SGCD: variants seen among roughly 807,000 people sequenced by gnomAD.
SGCD encodes the protein sarcoglycan delta.
In SGCD, 18 loss-of-function variants were observed where a neutral mutation model predicts 36.6. The observed-to-expected ratio is 0.49, with a 90% CI of 0.34 to 0.73. The LOEUF (loss-of-function observed/expected upper bound fraction) is 0.73. Among genes scored for constraint, SGCD ranks in the 30% least tolerant of loss-of-function variants. The pLI, the probability that SGCD is intolerant of heterozygous loss-of-function variation, is 0.01. For missense variants in SGCD, 387 were observed against 346.7 expected (o/e 1.12, Z -0.92); for synonymous variants, 133 against 130.6 (o/e 1.02, Z -0.12).
intron 6 of SGCD, among the ~76,000 whole-genome samples, chr5:156,633,245 C>A (rs1199499363): frequency 1.3e-5 from 2 of 152,184 alleles, no homozygotes; most frequent in Non-Finnish European, 2.9e-5. Context: ...ACGATGTGCA[C>A]TGTGTTTAGT....
At chr5:156,360,557 A>G (rs1309865917) in intron 3 of SGCD, among the ~76,000 whole-genome samples, 1 of 151,936 alleles carries the variant, frequency 6.6e-6, no homozygotes, top group Admixed American at 6.6e-5. Context: ...TGTAGTGTCC[A>G]CCTTTGAGTG....
chr5:156,566,172 C>T (rs548487417), intron 4 of SGCD, among the ~76,000 whole-genome samples: 7 of 152,104 alleles, frequency 4.6e-5, no homozygotes, highest in African/African-American at 1.4e-4. Context: ...GTTAAAATGG[C>T]GATCATTAAA....
At chr5:156,164,016 C>T (rs1763153238) in intron 3 of SGCD, among the ~76,000 whole-genome samples, 2 of 135,578 alleles carry the variant, frequency 1.5e-5, no homozygotes, top group African/African-American at 2.9e-5. Context: ...GAGCGAGACT[C>T]TGTCTCAAAA....
intron 1 of SGCD, among the ~76,000 whole-genome samples, chr5:156,078,601 A>T (rs542851207): frequency 1.4e-5 from 2 of 145,658 alleles, no homozygotes; most frequent in South Asian, 4.2e-4. Context: ...ATATTTATAT[A>T]TTTTTATATA....
intron 4 of SGCD, among the ~76,000 whole-genome samples, chr5:156,550,056 A>T (rs955912306): frequency 6.6e-6 from 1 of 152,222 alleles, no homozygotes; most frequent in African/African-American, 2.4e-5. Context: ...GGAAAAACTG[A>T]TGTGCAGAAA....
intron 1 of SGCD, among the ~76,000 whole-genome samples, chr5:156,072,128 A>T (rs1207775182): frequency 6.6e-6 from 1 of 151,880 alleles, no homozygotes; most frequent in Non-Finnish European, 1.5e-5. Flanking sequence ...TAGTCCATTT[A>T]CATTTAAAGT....
chr5:156,274,427 A>C (rs1247360322), intron 3 of SGCD, among the ~76,000 whole-genome samples: 2 of 151,998 alleles, frequency 1.3e-5, no homozygotes. Context: ...ATGGCCTATG[A>C]GCATATTAGC....
At chr5:156,154,338 G>A (rs1440508114) in intron 3 of SGCD, among the ~76,000 whole-genome samples, 1 of 151,646 alleles carries the variant, frequency 6.6e-6, no homozygotes, top group Non-Finnish European at 1.5e-5. Flanking sequence ...TCAAGCCCTA[G>A]AAAGCAGTGA....
chr5:156,194,195 GC>G (rs1424692542), intron 3 of SGCD, among the ~76,000 whole-genome samples: 15 of 152,016 alleles, frequency 9.9e-5, no homozygotes, highest in African/African-American at 3.6e-4. Flanking sequence ...GGGCAACATG[GC>G]AAAACCCCAT....
chr5:155,752,532 C>T, the SGCD span, among the ~76,000 whole-genome samples: 2 of 152,192 alleles, frequency 1.3e-5, 1 homozygote, highest in African/African-American at 4.8e-5. Context: ...CTTTCTTTAA[C>T]TCTCCACTCT....
At chr5:156,676,844 A>T (rs1281159889) in intron 7 of SGCD, among the ~76,000 whole-genome samples, 1 of 152,188 alleles carries the variant, frequency 6.6e-6, no homozygotes, top group Non-Finnish European at 1.5e-5. Flanking sequence ...AGATATTTGA[A>T]TGCTTGCTAT....
intron 3 of SGCD, among the ~76,000 whole-genome samples, chr5:156,132,107 A>G (rs2127606592): frequency 6.6e-6 from 1 of 152,334 alleles, no homozygotes; most frequent in African/African-American, 2.4e-5. Flanking sequence ...AATGTTGTCA[A>G]AAGGAAATTA....
At chr5:155,781,188 T>C in the SGCD span, among the ~76,000 whole-genome samples, 7,272 of 152,222 alleles carry the variant, frequency 0.048, 227 homozygotes, top group Middle Eastern at 0.14. Context: ...GTTTCTTAGG[T>C]TTTAGGAAAT....
chr5:156,766,760 G>A lies in SGCD; in HGVS notation c.*7370G>A, dbSNP rs1425584924. On this transcript the variant is annotated 3_prime_UTR_variant, in exon 9 of 9. Transcript: ENST00000337851. ...ATTTTGAAGAATTAACTCAGCCAGG[G>A]ATCATGCAAAAAGATTAGAAACCAT... The A allele has an allele frequency of 2.0e-5, 3 of 151,912 alleles. No homozygotes were observed. Among genetic ancestry groups the A allele is most frequent in the African/African-American group, 7.3e-5 (3 of 41,326 alleles). 9.4% of individuals were successfully genotyped at this position (151,912 alleles called of 1,614,324 possible).
At chr5:156,219,461 C>T (rs370723949) in intron 3 of SGCD, among the ~76,000 whole-genome samples, 30 of 152,016 alleles carry the variant, frequency 2.0e-4, no homozygotes, top group Middle Eastern at 6.8e-3. Flanking sequence ...TAACTTATAT[C>T]GACAAGAATG....
At chr5:156,146,334 C>T (rs1762710769) in intron 3 of SGCD, among the ~76,000 whole-genome samples, 1 of 152,146 alleles carries the variant, frequency 6.6e-6, no homozygotes, top group South Asian at 2.1e-4. Flanking sequence ...TTTATATTGT[C>T]ATAATAAACT....
intron 7 of SGCD, among the ~76,000 whole-genome samples, chr5:156,730,189 A>T (rs1259524025): frequency 6.6e-6 from 1 of 152,192 alleles, no homozygotes; most frequent in Non-Finnish European, 1.5e-5. Context: ...TCACAGGTCT[A>T]CTAAGTAAAA....
At chr5:155,789,182 C>T in the SGCD span, among the ~76,000 whole-genome samples, 6,762 of 152,110 alleles carry the variant, frequency 0.044, 328 homozygotes, top group African/African-American at 0.12. Flanking sequence ...TAATGATACA[C>T]GGTCGTGTTG....
Position 156,482,046 on chromosome 5 carries a change from C to T in SGCD, c.193-26555C>T, listed in dbSNP as rs1755453093. ...AACTTGCTCCTTTCCCACATCTGTG[C>T]CTGGGTGTCACAGTCCGAATGTCAG... On this transcript the variant is annotated intron_variant, in intron 3 of 8. Coordinates refer to ENST00000337851, the MANE Select transcript of SGCD (RefSeq NM_000337.6). Among the ~76,000 whole-genome samples the T allele has an allele frequency of 3.3e-5, 5 of 152,120 alleles. No homozygotes were observed. The South Asian group carries it at 1.0e-3, about 32-fold the overall frequency.
Sources: allele counts gnomAD v4.1 joint callset (sites outside exome capture counted in the v4.1 genomes callset), GRCh38; gene constraint gnomAD v4.1.1; transcripts MANE v1.5; gene names NCBI Gene and HGNC (gene_info 2026-07-23, HGNC 2026-07-21).